CRISPLD2: variants seen among roughly 807,000 people sequenced by gnomAD.
CRISPLD2 encodes cysteine rich secretory protein LCCL domain containing 2.
Under a neutral mutation model 71.1 loss-of-function variants are expected in CRISPLD2, and 47 were observed. That is an observed-to-expected ratio of 0.66 (90% CI 0.52 to 0.84). The LOEUF (loss-of-function observed/expected upper bound fraction) is 0.84, where lower values mean the gene tolerates loss of function less well. CRISPLD2 is among the 40% of genes least tolerant of loss of function. CRISPLD2 has a pLI of 0.00. For synonymous variants in CRISPLD2, 317 were observed against 250.1 expected (o/e 1.27, Z -2.52); for missense variants, 830 against 651.1 (o/e 1.27, Z -2.99).
At chr16:84,901,013 GCACACACACACACACACA>G (rs3222775) in intron 14 of CRISPLD2, among the ~76,000 whole-genome samples, 3 of 140,100 alleles carry the variant, frequency 2.1e-5, no homozygotes, top group African/African-American at 7.8e-5. Context: ...TGGTGTCACT[GCACACACACACACACACA>G]CACACACACA....
At chr16:84,831,409 A>C (rs1916484913) in intron 1 of CRISPLD2, among the ~76,000 whole-genome samples, 2 of 151,686 alleles carry the variant, frequency 1.3e-5, no homozygotes. Context: ...CATTTAACAG[A>C]TTTTTTTTCC....
chr16:84,894,406 A>T (rs2071688122), intron 14 of CRISPLD2, among the ~76,000 whole-genome samples: 1 of 152,198 alleles, frequency 6.6e-6, no homozygotes, highest in Admixed American at 6.5e-5. Context: ...TTGATTTTTT[A>T]AAATGTCACC....
intron 1 of CRISPLD2, among the ~76,000 whole-genome samples, chr16:84,835,183 C>T (rs1269454317): frequency 6.6e-6 from 1 of 152,104 alleles, no homozygotes; most frequent in East Asian, 1.9e-4. Context: ...CTCCACCTCC[C>T]AGGTTCAAGC....
At chr16:84,874,103 C>A in intron 11 of CRISPLD2, 140 bp downstream of exon 11, 1 of 798,576 alleles carries the variant, frequency 1.3e-6, no homozygotes, top group Non-Finnish European at 2.0e-6. Flanking sequence ...AAGCCTTTTT[C>A]AAGACGTCAT....
At chr16:84,833,547 A>C (rs1567679384) in intron 1 of CRISPLD2, among the ~76,000 whole-genome samples, 1 of 152,148 alleles carries the variant, frequency 6.6e-6, no homozygotes. Flanking sequence ...GAGCAGAGTT[A>C]GAGTGGGAGC....
intron 1 of CRISPLD2, chr16:84,829,184 G>C (rs1454405879): frequency 2.6e-5 from 4 of 152,382 alleles, no homozygotes; most frequent in African/African-American, 9.7e-5. Flanking sequence ...GGCTGTCCTG[G>C]GGAGATGGGG....
At chr16:84,879,219 TAGAG>T (rs1427892679) in intron 12 of CRISPLD2, among the ~76,000 whole-genome samples, 1 of 152,160 alleles carries the variant, frequency 6.6e-6, no homozygotes, top group African/African-American at 2.4e-5. Context: ...CCCTGAATAT[TAGAG>T]AGAAGCAGAA....
At chr16:84,892,803 C>G (rs1277727213) in intron 14 of CRISPLD2, among the ~76,000 whole-genome samples, 1 of 151,718 alleles carries the variant, frequency 6.6e-6, no homozygotes, top group Non-Finnish European at 1.5e-5. Context: ...TGGTGAAGCC[C>G]CGTCTCTACT....
intron 1 of CRISPLD2, among the ~76,000 whole-genome samples, chr16:84,834,157 C>T (rs1597447486): frequency 6.6e-6 from 1 of 152,126 alleles, no homozygotes. Flanking sequence ...AGTGATGGAG[C>T]CCAGACTCTG....
At chr16:84,841,806 G>T (rs896399691) in intron 2 of CRISPLD2, among the ~76,000 whole-genome samples, 2 of 152,158 alleles carry the variant, frequency 1.3e-5, no homozygotes, top group African/African-American at 4.8e-5. Flanking sequence ...TGTTGGCCAG[G>T]CTGGTCTCAA....
intron 6 of CRISPLD2, 62 bp downstream of exon 6, chr16:84,854,891 G>C: frequency 7.8e-7 from 1 of 1,277,524 alleles, no homozygotes; most frequent in African/African-American, 1.5e-5. Flanking sequence ...TCATGCGACA[G>C]CGTTACATGA....
intron 5 of CRISPLD2, among the ~76,000 whole-genome samples, chr16:84,851,127 C>T (rs1917078028): frequency 6.6e-6 from 1 of 152,230 alleles, no homozygotes; most frequent in Non-Finnish European, 1.5e-5. Flanking sequence ...TAGCTGCTGG[C>T]TGGGCAACCA....
intron 6 of CRISPLD2, among the ~76,000 whole-genome samples, chr16:84,859,449 A>G (rs1917325754): frequency 6.6e-6 from 1 of 152,160 alleles, no homozygotes; most frequent in East Asian, 1.9e-4. Context: ...GTACAAGGCC[A>G]GAGGTCTCCC....
chr16:84,898,878 A>C (rs1055756914), intron 14 of CRISPLD2, among the ~76,000 whole-genome samples: 3 of 152,098 alleles, frequency 2.0e-5, no homozygotes, highest in Non-Finnish European at 2.9e-5. Context: ...GGGCAACATA[A>C]GTGAGACCCT....
intron 6 of CRISPLD2, among the ~76,000 whole-genome samples, chr16:84,862,301 C>G (rs1314611609): frequency 6.6e-6 from 1 of 152,074 alleles, no homozygotes; most frequent in Non-Finnish European, 1.5e-5. Flanking sequence ...CTCCCGGCCT[C>G]AAGGGATCCT....
At chr16:84,905,716 T>C (rs1197993445) in intron 14 of CRISPLD2, among the ~76,000 whole-genome samples, 1 of 150,558 alleles carries the variant, frequency 6.6e-6, no homozygotes, top group African/African-American at 2.4e-5. Flanking sequence ...TCTTTTTTTT[T>C]TTTTTTTTTG....
chr16:84,848,731 A>G (rs571379583), intron 3 of CRISPLD2, among the ~76,000 whole-genome samples: 34 of 152,328 alleles, frequency 2.2e-4, no homozygotes, highest in African/African-American at 8.2e-4. Context: ...ATGAGCCACC[A>G]TGTTCGGCCT....
At chr16:84,822,797 T>A (rs1027993467) in intron 1 of CRISPLD2, among the ~76,000 whole-genome samples, 2 of 152,192 alleles carry the variant, frequency 1.3e-5, no homozygotes, top group Non-Finnish European at 2.9e-5. Flanking sequence ...GACAGGTAGA[T>A]CTGGGTGGTG....
At chr16:84,824,328 G>C (rs927639507) in intron 1 of CRISPLD2, among the ~76,000 whole-genome samples, 1 of 152,230 alleles carries the variant, frequency 6.6e-6, no homozygotes, top group African/African-American at 2.4e-5. Context: ...AAGATGAACA[G>C]AGAGTAACAC....
Sources: gnomAD v4.1 joint callset for allele counts (sites outside exome capture counted in the v4.1 genomes callset) on GRCh38, gnomAD v4.1.1 for gene constraint, MANE v1.5 for transcripts, NCBI Gene and HGNC (gene_info 2026-07-23, HGNC 2026-07-21) for gene names.